KDM7A: variants seen among roughly 807,000 people sequenced by gnomAD.
KDM7A encodes the protein lysine-specific demethylase 7A.
KDM7A carries 28 observed loss-of-function variants against 114.8 expected under a neutral mutation model. The observed-to-expected ratio is 0.24, with a 90% confidence interval of 0.18 to 0.33. The LOEUF (loss-of-function observed/expected upper bound fraction) is 0.33, where lower values mean the gene tolerates loss of function less well. Among genes scored for constraint, KDM7A ranks in the 10% least tolerant of loss-of-function variants. KDM7A has a pLI of 1.00. For synonymous variants in KDM7A, 423 were observed against 397.8 expected, an observed-to-expected ratio of 1.06 and a Z score of -0.75; for missense variants, 942 against 1,142.5, an observed-to-expected ratio of 0.82 and a Z score of 2.53.
intron 11 of KDM7A, among the ~76,000 whole-genome samples, chr7:140,109,208 T>C (rs537034527): frequency 9.8e-5 from 15 of 152,322 alleles, no homozygotes; most frequent in African/African-American, 3.4e-4. Context: ...CCCCGACCCC[T>C]TGCACTTCCT....
chr7:140,139,982 A>C (rs915835869), intron 1 of KDM7A, among the ~76,000 whole-genome samples: 4 of 152,236 alleles, frequency 2.6e-5, no homozygotes, highest in African/African-American at 9.6e-5. Context: ...ACGATCACTT[A>C]GTAATTTTAA....
chr7:140,110,449 C>G (rs1443865467), intron 11 of KDM7A, among the ~76,000 whole-genome samples: 3 of 152,102 alleles, frequency 2.0e-5, no homozygotes, highest in East Asian at 3.9e-4. Flanking sequence ...ATACCTCTTT[C>G]CATTCTCCAA....
intron 3 of KDM7A, among the ~76,000 whole-genome samples, chr7:140,132,842 A>AATAAGCTGCATGTG (rs1417668434): frequency 1.3e-5 from 2 of 152,200 alleles, no homozygotes; most frequent in African/African-American, 2.4e-5. Flanking sequence ...ATAATTCCAT[A>AATAAGCTGCATGTG]ATAAGCTGCA....
At chr7:140,126,962 A>C (rs977299938) in intron 5 of KDM7A, 139 bp from the exon 6 acceptor site, 1 of 679,070 alleles carries the variant, frequency 1.5e-6, no homozygotes, top group Admixed American at 2.9e-5. Flanking sequence ...TTTAAAACAC[A>C]TGTTTGTTTG....
intron 9 of KDM7A, among the ~76,000 whole-genome samples, chr7:140,114,712 T>C (rs1818490262): frequency 6.6e-6 from 1 of 150,464 alleles, no homozygotes; most frequent in Non-Finnish European, 1.5e-5. Context: ...CCATCCCGTC[T>C]AGGAAGTGAG....
At chr7:140,100,679 T>C (rs71550699) in intron 12 of KDM7A, among the ~76,000 whole-genome samples, 5,247 of 63,010 alleles carry the variant, frequency 0.083, 216 homozygotes, top group Non-Finnish European at 0.096. Context: ...TATATATATA[T>C]ACATATATAC....
intron 1 of KDM7A, among the ~76,000 whole-genome samples, chr7:140,173,218 C>T (rs1223007239): frequency 2.0e-5 from 3 of 152,032 alleles, no homozygotes; most frequent in Non-Finnish European, 4.4e-5. Context: ...ACAGAACATT[C>T]CCGGCAAAAT....
intron 1 of KDM7A, among the ~76,000 whole-genome samples, chr7:140,168,564 T>C (rs1159944513): frequency 1.4e-5 from 2 of 145,144 alleles, no homozygotes; most frequent in Non-Finnish European, 3.0e-5. Flanking sequence ...CAAGACTCTA[T>C]CTCAAAAAAA....
chr7:140,130,866 T>G (rs1166303705), intron 3 of KDM7A, among the ~76,000 whole-genome samples: 1 of 146,802 alleles, frequency 6.8e-6, no homozygotes, highest in Non-Finnish European at 1.5e-5. Flanking sequence ...TTTTTTTTTT[T>G]TTTTTGAGAC....
rs1817996759 is a variant in KDM7A, at chr7:140,090,203, T to C, written c.*891A>G. The C allele has an allele frequency of 1.3e-5, 2 of 152,282 alleles. No homozygotes were observed. The highest frequency in any genetic ancestry group is 2.4e-5 in the African/African-American group (1 of 41,556). 9.4% of individuals were successfully genotyped at this position (152,282 alleles called of 1,614,324 possible). The stretch of plus-strand genomic sequence containing the variant: ...AGCTGCTCTCTTTGGGACCCAGATA[T>C]CATCAGCAGAAATGAAAATGCAAAA... On this transcript the variant is annotated 3_prime_UTR_variant, in exon 20 of 20. Transcript: ENST00000397560.
chr7:140,117,241 G>A (rs1316015487), intron 9 of KDM7A, among the ~76,000 whole-genome samples: 1 of 152,070 alleles, frequency 6.6e-6, no homozygotes, highest in Admixed American at 6.5e-5. Context: ...AGTCTTTAAC[G>A]TATGGTCATA....
intron 17 of KDM7A, 107 bp from the exon 18 acceptor site, chr7:140,094,245 C>T (rs1818068055): frequency 8.0e-6 from 6 of 753,116 alleles, no homozygotes; most frequent in Non-Finnish European, 1.2e-5. Flanking sequence ...TGGCTCACGC[C>T]TGTAATCCCA....
chr7:140,172,829 T>C (rs1222277185), intron 1 of KDM7A, among the ~76,000 whole-genome samples: 1 of 152,002 alleles, frequency 6.6e-6, no homozygotes, highest in Non-Finnish European at 1.5e-5. Flanking sequence ...ATAGAAAGAA[T>C]TCCAATTTTT....
intron 1 of KDM7A, among the ~76,000 whole-genome samples, chr7:140,174,736 G>A (rs1297650018): frequency 6.6e-6 from 1 of 152,100 alleles, no homozygotes; most frequent in Non-Finnish European, 1.5e-5. Flanking sequence ...AAGTAGCTAG[G>A]GTTACAGACA....
rs183085003 is a variant in KDM7A at position 140,136,803 on chromosome 7, A to G, written c.280+2302T>C. 2.3e-3 allele frequency among the ~76,000 whole-genome samples: 352 copies of G among 152,230 alleles called. 3 individuals carry two copies. The highest frequency in any genetic ancestry group is 0.011 in the South Asian group (53 of 4,830). ...CCGAGGCGAGACCAGCCTGGCCAAC[A>G]TGGTGAAACTCTGTCTCTACTGAAA... On this transcript the variant is annotated intron_variant, in intron 2 of 19. Coordinates refer to ENST00000397560, the MANE Select transcript of KDM7A (RefSeq NM_030647.2).
At chr7:140,150,625 G>GT (rs1172808004) in intron 1 of KDM7A, among the ~76,000 whole-genome samples, 2 of 152,164 alleles carry the variant, frequency 1.3e-5, no homozygotes, top group Non-Finnish European at 2.9e-5. Context: ...TAAGAAATTG[G>GT]TAACAGCAGT....
At chr7:140,166,734 A>G (rs1269489810) in intron 1 of KDM7A, among the ~76,000 whole-genome samples, 1 of 152,156 alleles carries the variant, frequency 6.6e-6, no homozygotes, top group Admixed American at 6.5e-5. Context: ...GAACAAAGCA[A>G]GCATACCCAC....
intron 12 of KDM7A, among the ~76,000 whole-genome samples, chr7:140,100,910 G>A (rs1480900214): frequency 1.3e-5 from 2 of 150,848 alleles, no homozygotes; most frequent in East Asian, 1.9e-4. Flanking sequence ...ACAGGCACCC[G>A]CCACTGCGCC....
intron 1 of KDM7A, among the ~76,000 whole-genome samples, chr7:140,150,354 C>T (rs1794385350): frequency 6.6e-6 from 1 of 152,206 alleles, no homozygotes; most frequent in Non-Finnish European, 1.5e-5. Context: ...AATTAACACA[C>T]TAAAAACTTT....
Sources: gnomAD v4.1 joint callset for allele counts (sites outside exome capture counted in the v4.1 genomes callset) on GRCh38, gnomAD v4.1.1 for gene constraint, MANE v1.5 for transcripts, NCBI Gene and HGNC (gene_info 2026-07-23, HGNC 2026-07-21) for gene names.